The following DPYS variants were observed in gnomAD, a reference collection of about 807,000 sequenced individuals.
The protein encoded by DPYS is dihydropyrimidinase.
DPYS carries 39 observed loss-of-function variants against 50.3 expected under a neutral mutation model. That is an observed-to-expected ratio of 0.78 (90% CI 0.60 to 1.01). The LOEUF (loss-of-function observed/expected upper bound fraction) is 1.01, where lower values mean the gene tolerates loss of function less well. Ranked by LOEUF, DPYS falls within the 50% of genes least tolerant of loss-of-function variation. DPYS has a pLI of 0.00. For synonymous variants in DPYS, 245 were observed against 250.7 expected (o/e 0.98, Z 0.22); for missense variants, 659 against 680.9 (o/e 0.97, Z 0.36).
intron 7 of DPYS, among the ~76,000 whole-genome samples, chr8:104,401,241 T>C (rs571293317): frequency 6.6e-6 from 1 of 152,110 alleles, no homozygotes; most frequent in Admixed American, 6.6e-5. Flanking sequence ...ATGCCTTATG[T>C]ATTCAGTGTG....
intron 8 of DPYS, among the ~76,000 whole-genome samples, chr8:104,388,849 A>G (rs1811298202): frequency 6.6e-6 from 1 of 152,230 alleles, no homozygotes; most frequent in Non-Finnish European, 1.5e-5. Flanking sequence ...TATGGTGTTG[A>G]CAAATTTTAT....
chr8:104,404,617 T>A (rs574503228), intron 7 of DPYS, among the ~76,000 whole-genome samples: 4 of 152,386 alleles, frequency 2.6e-5, no homozygotes, highest in Admixed American at 2.0e-4. Flanking sequence ...TGGTGTGAAC[T>A]GGAGATCAGG....
chr8:104,466,729 G>C lies in DPYS; in HGVS notation c.192C>G (p.Ile64Met). Residue 64 changes from isoleucine to methionine, a missense_variant, in exon 1 of 10, where the codon ATC becomes ATG. Transcript: ENST00000351513. ...AAGKLVLPGGIDTHTHMQFPF... is the reference protein window; with the variant it reads ...AAGKLVLPGGMDTHTHMQFPF... ...GGAACTGCATGTGCGTGTGTGTGTC[G>C]ATGCCTCCGGGCAGGACGAGCTTGC... is the stretch of plus-strand genomic sequence containing the variant. 2 of 1,535,874 alleles carry C rather than the reference G, an allele frequency of 1.3e-6. No individual in the cohort carries two copies. Among genetic ancestry groups the C allele is most frequent in the East Asian group, 2.5e-5 (1 of 40,682 alleles).
intron 7 of DPYS, among the ~76,000 whole-genome samples, chr8:104,398,344 T>C (rs1811658828): frequency 6.6e-6 from 1 of 152,236 alleles, no homozygotes; most frequent in South Asian, 2.1e-4. Context: ...TGAGGTGATC[T>C]GCAGTATCTG....
At chr8:104,425,507 T>C (rs1812692918) in intron 6 of DPYS, among the ~76,000 whole-genome samples, 1 of 151,952 alleles carries the variant, frequency 6.6e-6, no homozygotes, top group Admixed American at 6.5e-5. Flanking sequence ...GGTTTCACCA[T>C]GTTGCCCAGG....
chr8:104,406,883 AC>A (rs1812015011), intron 7 of DPYS, among the ~76,000 whole-genome samples: 1 of 152,044 alleles, frequency 6.6e-6, no homozygotes, highest in African/African-American at 2.4e-5. Flanking sequence ...TTCTGATTGA[AC>A]CCTGACTAAT....
intron 4 of DPYS, among the ~76,000 whole-genome samples, chr8:104,440,373 T>G (rs1411156419): frequency 6.6e-6 from 1 of 152,158 alleles, no homozygotes; most frequent in African/African-American, 2.4e-5. Context: ...TAAATGCACT[T>G]TCTGATTCAG....
In DPYS at chr8:104,466,565, C is replaced by T. The variant is rs557198464; in HGVS notation, c.264+92G>A. 17 of 1,341,448 alleles carry T rather than the reference C, an allele frequency of 1.3e-5. No homozygotes were observed. The South Asian group carries it at 2.0e-4, about 16-fold the overall frequency. 83.1% of individuals were successfully genotyped at this position (1,341,448 alleles called of 1,614,324 possible). On this transcript the variant is annotated intron_variant, in intron 1 of 9. Transcript: ENST00000351513. ...CCCAGCTCCTCGGCGCCGCGCCGCG[C>T]GAGGCGGCCCTGCTGAGGACCCCGG...
At position 104,424,196 on chromosome 8, in the gene DPYS, T is replaced by A. The variant is rs1361361442; in HGVS notation, c.1235+51A>T. 6 of 1,613,506 alleles carry A rather than the reference T, an allele frequency of 3.7e-6. No homozygotes were observed. In the Admixed American group the frequency reaches 1.0e-4, roughly 27 times the overall value. The stretch of plus-strand genomic sequence containing the variant: ...GCCAAAGCATTATTTCTGTGCAAGT[T>A]AGTGCATTTTCTCCACAATGAAGCC... On this transcript the variant is annotated intron_variant, in intron 7 of 9. Coordinates refer to ENST00000351513, the MANE Select transcript of DPYS (RefSeq NM_001385.3).
intron 8 of DPYS, among the ~76,000 whole-genome samples, chr8:104,384,066 C>G (rs1243270635): frequency 6.6e-6 from 1 of 152,168 alleles, no homozygotes; most frequent in East Asian, 1.9e-4. Context: ...TTGCCTGCCT[C>G]TGAGGCTCTG....
At chr8:104,393,127 A>T in intron 7 of DPYS, 136 bp from the exon 8 acceptor site, 1 of 755,144 alleles carries the variant, frequency 1.3e-6, no homozygotes, top group Admixed American at 2.6e-5. Flanking sequence ...TGTAACAAGT[A>T]ACTTTAAGAA....
chr8:104,381,891 C>G (rs1350558687), intron 8 of DPYS, among the ~76,000 whole-genome samples: 3 of 150,464 alleles, frequency 2.0e-5, no homozygotes, highest in African/African-American at 7.4e-5. Flanking sequence ...CACATACACA[C>G]AGACAAATAA....
chr8:104,402,546 T>G (rs1191682138), intron 7 of DPYS, among the ~76,000 whole-genome samples: 1 of 152,202 alleles, frequency 6.6e-6, no homozygotes, highest in Non-Finnish European at 1.5e-5. Context: ...CTTGGTCTTA[T>G]AATTTTATTG....
At chr8:104,450,255 C>T (rs773536183) in intron 2 of DPYS, among the ~76,000 whole-genome samples, 5 of 152,066 alleles carry the variant, frequency 3.3e-5, no homozygotes, top group Non-Finnish European at 5.9e-5. Flanking sequence ...AGATGCATCA[C>T]TAAAAATGGC....
At chr8:104,447,956 G>A (rs1813596585) in intron 2 of DPYS, among the ~76,000 whole-genome samples, 1 of 152,174 alleles carries the variant, frequency 6.6e-6, no homozygotes, top group African/African-American at 2.4e-5. Context: ...AGTAGAAGAT[G>A]CAGATGGACC....
intron 4 of DPYS, among the ~76,000 whole-genome samples, chr8:104,439,911 T>C (rs1021515344): frequency 2.6e-5 from 4 of 152,206 alleles, no homozygotes; most frequent in Non-Finnish European, 5.9e-5. Context: ...TGGGGTCACA[T>C]AGACTTGGAC....
chr8:104,401,007 G>C (rs1037133410), intron 7 of DPYS, among the ~76,000 whole-genome samples: 1 of 152,200 alleles, frequency 6.6e-6, no homozygotes, highest in Non-Finnish European at 1.5e-5. Flanking sequence ...GAGCATTGTG[G>C]AGAGGAAGAG....
chr8:104,418,973 T>C (rs1004477620), intron 7 of DPYS: 1 of 982,862 alleles, frequency 1.0e-6, no homozygotes, highest in East Asian at 1.1e-4. Context: ...AATTTGTGAA[T>C]GAAGGAACAC....
At chr8:104,427,830 T>C in intron 6 of DPYS, 150 bp downstream of exon 6, 1 of 1,108,422 alleles carries the variant, frequency 9.0e-7, no homozygotes, top group South Asian at 1.2e-5. Context: ...GGAATGGTGG[T>C]CGAGGTGATA....
Sources: allele counts gnomAD v4.1 joint callset (sites outside exome capture counted in the v4.1 genomes callset), GRCh38; gene constraint gnomAD v4.1.1; transcripts MANE v1.5; gene names NCBI Gene and HGNC (gene_info 2026-07-23, HGNC 2026-07-21).